Variants in SMYD3 observed in about 807,000 individuals in gnomAD.
SMYD3 encodes the protein histone-lysine N-methyltransferase SMYD3.
Under a neutral mutation model 57.7 loss-of-function variants are expected in SMYD3, and 36 were observed. That is an observed-to-expected ratio of 0.62 (90% CI 0.48 to 0.82). The LOEUF (loss-of-function observed/expected upper bound fraction) is 0.82, where lower values mean the gene tolerates loss of function less well. SMYD3 is among the 40% of genes least tolerant of loss of function. The pLI, the probability that SMYD3 is intolerant of heterozygous loss-of-function variation, is 0.00. For synonymous variants in SMYD3, 211 were observed against 195.0 expected, an observed-to-expected ratio of 1.08 and a Z score of -0.68; for missense variants, 515 against 538.8, an observed-to-expected ratio of 0.96 and a Z score of 0.44.
chr1:246,227,390 T>C (rs903030028), intron 5 of SMYD3, among the ~76,000 whole-genome samples: 6 of 151,944 alleles, frequency 3.9e-5, no homozygotes, highest in Non-Finnish European at 8.8e-5. Flanking sequence ...CCAAGGCAGG[T>C]GAATCAAGAG....
At chr1:246,227,188 A>G (rs200792958) in intron 5 of SMYD3, among the ~76,000 whole-genome samples, 2 of 152,250 alleles carry the variant, frequency 1.3e-5, no homozygotes, top group Non-Finnish European at 2.9e-5. Context: ...ATCACAGTAC[A>G]TGGTTAGATG....
At chr1:246,431,987 G>GA (rs2067302313) in intron 1 of SMYD3, among the ~76,000 whole-genome samples, 1 of 151,958 alleles carries the variant, frequency 6.6e-6, no homozygotes, top group African/African-American at 2.4e-5. Context: ...CTATACTCTG[G>GA]AAAAAAGTAT....
At chr1:246,390,632 A>G (rs1360944919) in intron 1 of SMYD3, among the ~76,000 whole-genome samples, 1 of 152,224 alleles carries the variant, frequency 6.6e-6, no homozygotes, top group Non-Finnish European at 1.5e-5. Context: ...TAAAACATGA[A>G]ACTTTAACAA....
At chr1:245,842,824 C>T (rs1283578840) in intron 10 of SMYD3, among the ~76,000 whole-genome samples, 1 of 152,058 alleles carries the variant, frequency 6.6e-6, no homozygotes, top group African/African-American at 2.4e-5. Context: ...GATCATTCCA[C>T]CTCAGCCTCC....
At chr1:246,324,878 C>G (rs970027733) in intron 5 of SMYD3, among the ~76,000 whole-genome samples, 1 of 150,652 alleles carries the variant, frequency 6.6e-6, no homozygotes, top group African/African-American at 2.5e-5. Flanking sequence ...GTGACTTGCA[C>G]CATCACACAC....
chr1:245,914,054 A>C (rs1477224459), intron 8 of SMYD3, among the ~76,000 whole-genome samples: 1 of 152,208 alleles, frequency 6.6e-6, no homozygotes, highest in Non-Finnish European at 1.5e-5. Flanking sequence ...CATTAAAATT[A>C]ATAGCTACCC....
At chr1:246,008,064 C>T (rs1490512385) in intron 5 of SMYD3, among the ~76,000 whole-genome samples, 1 of 152,162 alleles carries the variant, frequency 6.6e-6, no homozygotes. Context: ...GACTACTGTC[C>T]TACGAAGACA....
intron 5 of SMYD3, among the ~76,000 whole-genome samples, chr1:246,091,523 T>G (rs1340713101): frequency 6.6e-6 from 1 of 150,982 alleles, no homozygotes; most frequent in East Asian, 1.9e-4. Context: ...TGAAGTCGGT[T>G]CTGGACTCAT....
intron 5 of SMYD3, among the ~76,000 whole-genome samples, chr1:246,150,043 T>C (rs560476750): frequency 6.6e-6 from 1 of 152,332 alleles, no homozygotes; most frequent in Admixed American, 6.5e-5. Context: ...AGAAATTCTG[T>C]TTTTTTAACT....
At chr1:245,885,359 C>T (rs182051668) in intron 8 of SMYD3, among the ~76,000 whole-genome samples, 38 of 152,288 alleles carry the variant, frequency 2.5e-4, no homozygotes, top group African/African-American at 9.1e-4. Flanking sequence ...ACATGCCTGG[C>T]CCCCAGGTAG....
At chr1:245,873,199 CACTT>C (rs1372673991) in intron 8 of SMYD3, among the ~76,000 whole-genome samples, 2 of 152,190 alleles carry the variant, frequency 1.3e-5, no homozygotes, top group African/African-American at 2.4e-5. Flanking sequence ...AGGAAGGAGA[CACTT>C]GCTTGCACCC....
intron 5 of SMYD3, among the ~76,000 whole-genome samples, chr1:245,959,360 T>C (rs1008884174): frequency 6.6e-6 from 1 of 152,192 alleles, no homozygotes; most frequent in Admixed American, 6.5e-5. Context: ...AGATCAAAGT[T>C]TTCTGATGAA....
intron 5 of SMYD3, among the ~76,000 whole-genome samples, chr1:246,178,145 G>A (rs189838342): frequency 1.3e-5 from 2 of 152,310 alleles, no homozygotes; most frequent in Non-Finnish European, 2.9e-5. Flanking sequence ...ATGGCAGGAG[G>A]AGGGAGCTTT....
At chr1:246,393,435 T>C (rs748494239) in intron 1 of SMYD3, among the ~76,000 whole-genome samples, 4 of 152,154 alleles carry the variant, frequency 2.6e-5, no homozygotes, top group Non-Finnish European at 5.9e-5. Context: ...GGACTTCATC[T>C]ATTTCTCTCA....
At chr1:246,199,506 G>A (rs2062876767) in intron 5 of SMYD3, among the ~76,000 whole-genome samples, 1 of 152,314 alleles carries the variant, frequency 6.6e-6, no homozygotes, top group East Asian at 1.9e-4. Flanking sequence ...GCTATTTTAA[G>A]TTTTGTTTTG....
intron 1 of SMYD3, among the ~76,000 whole-genome samples, chr1:246,458,912 G>A (rs1027157480): frequency 3.9e-5 from 6 of 152,104 alleles, no homozygotes; most frequent in African/African-American, 1.4e-4. Flanking sequence ...TATATTCTAT[G>A]TGTATTCATC....
chr1:245,926,803 T>C (rs1284187317), intron 7 of SMYD3, among the ~76,000 whole-genome samples: 2 of 152,218 alleles, frequency 1.3e-5, no homozygotes, highest in Non-Finnish European at 1.5e-5. Flanking sequence ...CAAATGAATA[T>C]TGCTGAAAAT....
At chr1:246,307,257 C>A (rs1002430713) in intron 5 of SMYD3, among the ~76,000 whole-genome samples, 2 of 152,120 alleles carry the variant, frequency 1.3e-5, no homozygotes, top group African/African-American at 4.8e-5. Context: ...GATCCCAAAT[C>A]CTGAGTCACC....
intron 5 of SMYD3, among the ~76,000 whole-genome samples, chr1:246,197,209 A>G (rs1462223648): frequency 6.6e-6 from 1 of 152,192 alleles, no homozygotes; most frequent in East Asian, 1.9e-4. Context: ...AATAATTTAC[A>G]TATTAAATAC....
Sources: allele counts gnomAD v4.1 joint callset (sites outside exome capture counted in the v4.1 genomes callset), GRCh38; gene constraint gnomAD v4.1.1; transcripts MANE v1.5; gene names NCBI Gene and HGNC (gene_info 2026-07-23, HGNC 2026-07-21).